HMCN2: variants seen among roughly 807,000 people sequenced by gnomAD.
HMCN2 encodes hemicentin 2, also known as hemicentin-2.
HMCN2 carries 325 observed loss-of-function variants against 377.5 expected under a neutral mutation model. That is an observed-to-expected ratio of 0.86 (90% CI 0.79 to 0.94). The LOEUF (loss-of-function observed/expected upper bound fraction) is 0.94. Ranked by LOEUF, HMCN2 falls within the 40% of genes least tolerant of loss-of-function variation. The pLI, the probability that HMCN2 is intolerant of heterozygous loss-of-function variation, is 0.00. For missense variants in HMCN2, 4,543 were observed against 4,725.3 expected (o/e 0.96, Z 1.13); for synonymous variants, 2,007 against 2,046.8 (o/e 0.98, Z 0.53).
intron 96 of HMCN2, among the ~76,000 whole-genome samples, chr9:130,432,001 G>T (rs1224840937): frequency 6.6e-6 from 1 of 152,228 alleles, no homozygotes; most frequent in Non-Finnish European, 1.5e-5. Flanking sequence ...AACCATGCCT[G>T]CCCTGCCTGT....
intron 1 of HMCN2, among the ~76,000 whole-genome samples, chr9:130,266,338 CT>C (rs1834098955): frequency 6.6e-6 from 1 of 152,208 alleles, no homozygotes; most frequent in Non-Finnish European, 1.5e-5. Context: ...TCCCACCCCC[CT>C]GGAACATTCC....
chr9:130,359,404 G>A lies in HMCN2; in HGVS notation c.5763G>A (p.Val1921=). Reference sequence around the variant, plus strand: ...CCTTGGAGTGTCTGGCTTCGGGCGTGCCCCCTCCTGGTAAGACCCCTCCTC... The same window carrying A: ...CCTTGGAGTGTCTGGCTTCGGGCGTACCCCCTCCTGGTAAGACCCCTCCTC... ...SVTLECLASG[V]PPPDVSWFKG... is the part of the protein sequence containing the mutation. The change falls in exon 37 of 98, where the codon GTG becomes GTA. Residue 1921 remains valine, a synonymous_variant. Coordinates refer to ENST00000683500, the MANE Select transcript of HMCN2 (RefSeq NM_001291815.2). 7.7e-7 allele frequency: 1 copy of A among 1,301,814 alleles called. No individual in the cohort carries two copies. The allele number at this position is 1,301,814 out of a possible 1,614,324, so 80.6% of individuals were successfully genotyped here.
chr9:130,363,448 C>T (rs543375971), intron 40 of HMCN2, among the ~76,000 whole-genome samples: 129 of 152,300 alleles, frequency 8.5e-4, no homozygotes, highest in African/African-American at 3.0e-3. Context: ...CCTCTGAGCT[C>T]ATGAAGCTAC....
chr9:130,415,199 G>T (rs754559315), intron 85 of HMCN2, among the ~76,000 whole-genome samples: 1 of 152,180 alleles, frequency 6.6e-6, no homozygotes, highest in African/African-American at 2.4e-5. Flanking sequence ...TAAGATGGAA[G>T]ATTTAAATAA....
Position 130,307,561 on chromosome 9 carries a change from A to G in HMCN2, c.2195A>G (p.Tyr732Cys). The G allele has an allele frequency of 2.1e-6, 1 of 471,082 alleles. No homozygotes were observed. The highest frequency in any genetic ancestry group is 1.5e-5 in the South Asian group (1 of 64,556). The allele number at this position is 471,082 out of a possible 1,614,324, so 29.2% of individuals were successfully genotyped here. Reference sequence around the variant, plus strand: ...GTTCCCCCGCCCCGAGTCATCTGGTATCGAGGTGTGTTGGTGGGGAGGGGC... The same window carrying G: ...GTTCCCCCGCCCCGAGTCATCTGGTGTCGAGGTGTGTTGGTGGGGAGGGGC... ...SGVPPPRVIW[Y>C]RGGLEMILAP... Residue 732 changes from tyrosine (Y) to cysteine (C), a missense_variant, in exon 14 of 98, where the codon TAT becomes TGT. Coordinates refer to ENST00000683500, the MANE Select transcript of HMCN2 (RefSeq NM_001291815.2).
intron 85 of HMCN2, among the ~76,000 whole-genome samples, chr9:130,412,773 C>T (rs1843498729): frequency 6.6e-6 from 1 of 152,056 alleles, no homozygotes; most frequent in Admixed American, 6.6e-5. Context: ...GACGAGGTTT[C>T]GTCGTGTTGC....
At chr9:130,306,565 G>A (rs1219559759) in intron 12 of HMCN2, among the ~76,000 whole-genome samples, 3 of 146,260 alleles carry the variant, frequency 2.1e-5, no homozygotes, top group East Asian at 4.0e-4. Context: ...AGGCTGTGCC[G>A]ACCTACGCCC....
intron 7 of HMCN2, among the ~76,000 whole-genome samples, chr9:130,298,336 A>G (rs10988684): frequency 0.4 from 60,612 of 151,934 alleles, 14,251 homozygotes; most frequent in African/African-American, 0.67. Context: ...ACCAGCCTGG[A>G]CAACACAGCA....
chr9:130,349,187 C>T lies in HMCN2; in HGVS notation c.4303+56C>T, dbSNP rs1037778814. 17 of 1,279,152 alleles carry T rather than the reference C, an allele frequency of 1.3e-5. 1 individual carries two copies. The highest frequency in any genetic ancestry group is 2.2e-4 in the Middle Eastern group (1 of 4,634). 79.2% of individuals were successfully genotyped at this position (1,279,152 alleles called of 1,614,324 possible). On this transcript the variant is annotated intron_variant, in intron 28 of 97. Transcript: ENST00000683500. ...AGTGTGTCTGGCCCTGTAGCCCCAA[C>T]TCTTGCAGGCACACCGGGGGAGAGG... is the stretch of plus-strand genomic sequence containing the variant.
At chr9:130,278,052 T>TACCACCACCACCACCACCATCATCATC in intron 1 of HMCN2, among the ~76,000 whole-genome samples, 1 of 83,596 alleles carries the variant, frequency 1.2e-5, no homozygotes, top group Non-Finnish European at 2.6e-5. Context: ...CCATCATCAT[T>TACCACCACCACCACCACCATCATCATC]ACCACCACCA....
At chr9:130,407,747 A>G (rs1843179662) in intron 83 of HMCN2, 42 bp downstream of exon 83, 2 of 1,173,308 alleles carry the variant, frequency 1.7e-6, no homozygotes, top group Non-Finnish European at 1.1e-6. Flanking sequence ...CAAGACCTCC[A>G]GTCTATTGGG....
At chr9:130,272,621 C>T (rs1834463391) in intron 1 of HMCN2, among the ~76,000 whole-genome samples, 1 of 152,258 alleles carries the variant, frequency 6.6e-6, no homozygotes, top group Admixed American at 6.5e-5. Flanking sequence ...GATCATGGCT[C>T]ACTGCTTCCT....
intron 15 of HMCN2, among the ~76,000 whole-genome samples, chr9:130,315,784 C>T (rs1246573960): frequency 1.3e-5 from 2 of 152,122 alleles, no homozygotes; most frequent in African/African-American, 4.8e-5. Context: ...GCAGCCTCTG[C>T]CTTCTCTCAG....
At chr9:130,383,651 G>GCAGTGCCCCCTGGGAA in intron 57 of HMCN2, 51 bp downstream of exon 57, 1 of 877,432 alleles carries the variant, frequency 1.1e-6, no homozygotes, top group Non-Finnish European at 1.4e-6. Flanking sequence ...CCCTTCCCAG[G>GCAGTGCCCCCTGGGAA]GGGCACTGCC....
In HMCN2 at chr9:130,414,240, G is replaced by A. The variant is rs1019790317; in HGVS notation, c.12961+3588G>A. 5.3e-5 allele frequency among the ~76,000 whole-genome samples: 8 copies of A among 152,074 alleles called. No individual in the cohort carries two copies. The East Asian group carries it at 5.8e-4, about 11-fold the overall frequency. On this transcript the variant is annotated intron_variant, in intron 85 of 97. Coordinates refer to ENST00000683500, the MANE Select transcript of HMCN2 (RefSeq NM_001291815.2). The surrounding 1 kb of genome is among the most constrained non-coding windows in gnomAD (Gnocchi z 4.4). ...CTACTGAGTGGGAAGCTCCTCCCCC[G>A]TGTGGCCAGGTGGGCAGCGAGGGTA...
Position 130,369,673 on chromosome 9 carries a change from G to A in HMCN2, c.6891G>A (p.Pro2297=), listed in dbSNP as rs1023951218. 8.1e-6 allele frequency: 8 copies of A among 985,862 alleles called. No homozygotes were observed. Among genetic ancestry groups the A allele is most frequent in the Non-Finnish European group, 8.4e-6 (7 of 830,018 alleles). 61.1% of individuals were successfully genotyped at this position (985,862 alleles called of 1,614,324 possible). Residue 2297 remains proline, a synonymous_variant, in exon 45 of 98, where the codon CCG becomes CCA. Coordinates refer to ENST00000683500, the MANE Select transcript of HMCN2 (RefSeq NM_001291815.2). The surrounding 1 kb of genome is among the most constrained non-coding windows in gnomAD (Gnocchi z 4.5). The part of the protein sequence containing the change: ...LECNATGKPP[P]TVTWERDGQP... Reference sequence around the variant, plus strand: ...GCAACGCCACAGGGAAACCCCCTCCGACAGTGACATGGGAGCGGGACGGCC... The same window carrying A: ...GCAACGCCACAGGGAAACCCCCTCCAACAGTGACATGGGAGCGGGACGGCC...
At position 130,348,570 on chromosome 9, in the gene HMCN2, G is replaced by T. The variant is rs544401149; in HGVS notation, c.4050G>T (p.Gly1350=). ...VYVPPSIRED[G]RKANVSGMAG... is the part of the protein sequence containing the mutation. ...TGCCCCCCAGCATCCGGGAGGACGGGCGCAAGGCCAACGTGTCGGGTATGG... is the reference window on the plus strand; with the variant it reads ...TGCCCCCCAGCATCCGGGAGGACGGTCGCAAGGCCAACGTGTCGGGTATGG... Residue 1350 remains glycine, a synonymous_variant, in exon 27 of 98, where the codon GGG becomes GGT. Coordinates refer to ENST00000683500, the MANE Select transcript of HMCN2 (RefSeq NM_001291815.2). The T allele has an allele frequency of 7.7e-6, 10 of 1,304,234 alleles. No individual in the cohort carries two copies. The South Asian group carries it at 1.2e-4, about 16-fold the overall frequency. The allele number at this position is 1,304,234 out of a possible 1,614,324, so 80.8% of individuals were successfully genotyped here.
In HMCN2 at chr9:130,394,807, T is replaced by A. The variant is rs1489412133; in HGVS notation, c.10693-220T>A. Among the ~76,000 whole-genome samples the A allele has an allele frequency of 6.6e-6, 1 of 152,150 alleles. No homozygotes were observed. The highest frequency in any genetic ancestry group is 1.5e-5 in the Non-Finnish European group (1 of 68,016). ...GACCCCATCTAGGCCAGAGGAGGGC[T>A]GGTGCAGTTAAGGGGGACTTCTGGG... On this transcript the variant is annotated intron_variant, in intron 69 of 97. Transcript: ENST00000683500. This position sits in a 1 kb window ranked among gnomAD's most constrained non-coding sequence, Gnocchi z 5.1.
intron 78 of HMCN2, 132 bp from the exon 79 acceptor site, chr9:130,403,062 G>T: frequency 9.4e-7 from 1 of 1,068,010 alleles, no homozygotes; most frequent in Non-Finnish European, 1.2e-6. Flanking sequence ...TGGCGTCCTT[G>T]TTGCTGTGGC....
Sources: gnomAD v4.1 joint callset for allele counts (sites outside exome capture counted in the v4.1 genomes callset) on GRCh38, gnomAD v4.1.1 for gene constraint, Gnocchi (gnomAD v3.1) non-coding constraint, MANE v1.5 for transcripts, NCBI Gene and HGNC (gene_info 2026-07-23, HGNC 2026-07-21) for gene names.